Variants in DLG2 observed in about 807,000 individuals in gnomAD.
DLG2 encodes the protein discs large MAGUK scaffold protein 2.
A neutral mutation model predicts 132.5 loss-of-function variants in DLG2; 45 were observed. The observed-to-expected ratio is 0.34, with a 90% CI of 0.27 to 0.44. The LOEUF is 0.44. Ranked by LOEUF, DLG2 falls within the 20% of genes least tolerant of loss-of-function variation. The probability of loss-of-function intolerance (pLI) is 1.00; values close to 1 mark genes in which losing one functional copy is unlikely to be tolerated. For synonymous variants in DLG2, 424 were observed against 419.6 expected (o/e 1.01, Z -0.13); for missense variants, 1,045 against 1,196.9 (o/e 0.87, Z 1.87).
At chr11:84,409,809 A>G (rs942487741) in intron 7 of DLG2, among the ~76,000 whole-genome samples, 6 of 152,156 alleles carry the variant, frequency 3.9e-5, no homozygotes, top group Admixed American at 3.9e-4. Context: ...TTATCTGAAA[A>G]TGGTTCATTT....
chr11:84,382,379 G>C (rs566384823), intron 7 of DLG2, among the ~76,000 whole-genome samples: 12 of 152,122 alleles, frequency 7.9e-5, no homozygotes, highest in African/African-American at 2.7e-4. Flanking sequence ...TACCTCCCCA[G>C]TCTTATTCCA....
chr11:84,912,976 C>T (rs1031479287), intron 6 of DLG2, among the ~76,000 whole-genome samples: 5 of 152,116 alleles, frequency 3.3e-5, no homozygotes, highest in African/African-American at 1.2e-4. Context: ...GGAAGCCAGT[C>T]ACAATGTTTC....
rs559165536 is a variant in DLG2 at position 84,580,568 on chromosome 11, T to A, written c.358-45837A>T. On this transcript the variant is annotated intron_variant, in intron 6 of 27. Transcript: ENST00000376104. ...CATTCAAGAGGTCAACCTATAAGAA[T>A]TCAACACACCTCCTAGCTGCGAGTA... Among the ~76,000 whole-genome samples the A allele has an allele frequency of 3.3e-5, 5 of 152,302 alleles. No individual in the cohort carries two copies. In the South Asian group the frequency reaches 1.0e-3, roughly 32 times the overall value.
intron 15 of DLG2, among the ~76,000 whole-genome samples, chr11:83,905,689 TAATTTATTGTTAA>T (rs1218005536): frequency 6.6e-6 from 1 of 152,180 alleles, no homozygotes; most frequent in Non-Finnish European, 1.5e-5. Flanking sequence ...ACATTTTGCC[TAATTTATTGTTAA>T]GCACTTCTAC....
intron 18 of DLG2, among the ~76,000 whole-genome samples, chr11:83,662,654 G>A (rs1221850417): frequency 1.3e-5 from 2 of 152,172 alleles, no homozygotes; most frequent in African/African-American, 4.8e-5. Flanking sequence ...CATAGGAGGT[G>A]CCTGTTCTGG....
intron 2 of DLG2, among the ~76,000 whole-genome samples, chr11:85,612,713 A>C (rs936958610): frequency 2.0e-5 from 3 of 152,190 alleles, no homozygotes; most frequent in African/African-American, 2.4e-5. Context: ...AGTACCCCTC[A>C]AAGCTCAAGT....
intron 15 of DLG2, among the ~76,000 whole-genome samples, chr11:83,898,805 A>G (rs781668777): frequency 1.3e-5 from 2 of 152,212 alleles, no homozygotes; most frequent in Admixed American, 1.3e-4. Context: ...ATAGACTAAT[A>G]ACAAGGTCCT....
intron 6 of DLG2, among the ~76,000 whole-genome samples, chr11:84,956,742 C>A (rs2051734842): frequency 6.6e-6 from 1 of 152,070 alleles, no homozygotes; most frequent in Non-Finnish European, 1.5e-5. Context: ...ATTTCTCCAA[C>A]CAATAGATTA....
intron 4 of DLG2, among the ~76,000 whole-genome samples, chr11:85,206,298 T>C (rs1290017180): frequency 6.6e-6 from 1 of 152,154 alleles, no homozygotes; most frequent in Admixed American, 6.5e-5. Flanking sequence ...CTTTATAAAT[T>C]ACTCAGTCTC....
intron 4 of DLG2, among the ~76,000 whole-genome samples, chr11:85,257,171 G>A (rs929960400): frequency 6.6e-5 from 10 of 152,152 alleles, no homozygotes; most frequent in Non-Finnish European, 8.8e-5. Context: ...GGGCCACCTA[G>A]ACACATTTAC....
chr11:85,373,478 C>A (rs1025767603), intron 3 of DLG2, among the ~76,000 whole-genome samples: 6 of 152,130 alleles, frequency 3.9e-5, no homozygotes, highest in Non-Finnish European at 8.8e-5. Context: ...AATCTAACAT[C>A]AGTTAGATGT....
chr11:83,591,756 C>A (rs1053893106), intron 19 of DLG2, among the ~76,000 whole-genome samples: 1 of 152,162 alleles, frequency 6.6e-6, no homozygotes, highest in Non-Finnish European at 1.5e-5. Flanking sequence ...TTGTCTCAGC[C>A]CAAAACCTCC....
intron 22 of DLG2, among the ~76,000 whole-genome samples, chr11:83,479,047 C>T (rs1053848258): frequency 6.6e-6 from 1 of 152,020 alleles, no homozygotes; most frequent in Non-Finnish European, 1.5e-5. Context: ...CTTCTGAATT[C>T]TTCCATCAAC....
At chr11:85,149,153 C>T (rs2077057602) in intron 5 of DLG2, among the ~76,000 whole-genome samples, 1 of 152,058 alleles carries the variant, frequency 6.6e-6, no homozygotes, top group Admixed American at 6.5e-5. Context: ...CTACTGTAGG[C>T]TTGTAGTATA....
At chr11:85,049,290 A>C (rs2062659414) in intron 6 of DLG2, among the ~76,000 whole-genome samples, 2 of 152,130 alleles carry the variant, frequency 1.3e-5, no homozygotes, top group Admixed American at 6.6e-5. Flanking sequence ...AGGAATTAGT[A>C]GATTTTAGGA....
At chr11:85,018,727 C>T (rs930693612) in intron 6 of DLG2, among the ~76,000 whole-genome samples, 1 of 149,872 alleles carries the variant, frequency 6.7e-6, no homozygotes, top group Non-Finnish European at 1.5e-5. Flanking sequence ...TGTAATCATA[C>T]AATTAATAAG....
chr11:84,503,214 C>T (rs560150916), intron 7 of DLG2, among the ~76,000 whole-genome samples: 15 of 152,130 alleles, frequency 9.9e-5, no homozygotes, highest in South Asian at 4.1e-4. Context: ...ACTAAGAAAA[C>T]GCTCGAAGAT....
At chr11:83,641,862 A>AGTGTGT (rs34754104) in intron 18 of DLG2, among the ~76,000 whole-genome samples, 1,667 of 147,900 alleles carry the variant, frequency 0.011, 35 homozygotes, top group African/African-American at 0.039. Flanking sequence ...AGAGAGAGGG[A>AGTGTGT]GTGTGTGTGT....
rs148545937 is a variant in DLG2 at position 85,135,043 on chromosome 11, C to A, written c.282+19513G>T. On this transcript the variant is annotated intron_variant, in intron 5 of 27. Coordinates refer to ENST00000376104, the MANE Select transcript of DLG2 (RefSeq NM_001142699.3). The stretch of plus-strand genomic sequence containing the variant: ...GTCTATTCACCCTCATTTGTTACAT[C>A]ATCACAATAATTATTTTAACTCAAT... Among the ~76,000 whole-genome samples the A allele has an allele frequency of 1.2e-4, 19 of 152,288 alleles. No homozygotes were observed. The East Asian group carries it at 3.7e-3, about 29-fold the overall frequency.
Sources: gnomAD v4.1 joint callset for allele counts (sites outside exome capture counted in the v4.1 genomes callset) on GRCh38, gnomAD v4.1.1 for gene constraint, MANE v1.5 for transcripts, NCBI Gene and HGNC (gene_info 2026-07-23, HGNC 2026-07-21) for gene names.